Variants in KCNC2 observed in about 807,000 individuals in gnomAD.
KCNC2 encodes voltage-gated potassium channel KCNC2.
Under a neutral mutation model 44.5 loss-of-function variants are expected in KCNC2, and 21 were observed. The observed-to-expected ratio is 0.47, with a 90% CI of 0.33 to 0.68. KCNC2 has a LOEUF of 0.68. Among genes scored for constraint, KCNC2 ranks in the 30% least tolerant of loss-of-function variants. KCNC2 has a pLI of 0.01. For synonymous variants in KCNC2, 391 were observed against 339.1 expected (o/e 1.15, Z -1.68); for missense variants, 589 against 826.2 (o/e 0.71, Z 3.52).
chr12:75,125,229 C>G (rs1380003599), intron 2 of KCNC2, among the ~76,000 whole-genome samples: 1 of 152,218 alleles, frequency 6.6e-6, no homozygotes, highest in East Asian at 1.9e-4. Context: ...AACTAGAAAA[C>G]TCATGAGGCT....
At chr12:75,146,319 C>T (rs575648047) in intron 2 of KCNC2, among the ~76,000 whole-genome samples, 61 of 152,208 alleles carry the variant, frequency 4.0e-4, no homozygotes, top group Non-Finnish European at 2.9e-4. Flanking sequence ...AGATTTTTAA[C>T]ATGTAGATAT....
intron 2 of KCNC2, among the ~76,000 whole-genome samples, chr12:75,082,743 T>C (rs1188916016): frequency 6.6e-6 from 1 of 151,772 alleles, no homozygotes; most frequent in African/African-American, 2.4e-5. Flanking sequence ...TTTAATGATA[T>C]GAAAATAAGT....
chr12:75,202,479 C>T (rs1000578748), intron 2 of KCNC2, among the ~76,000 whole-genome samples: 2 of 151,774 alleles, frequency 1.3e-5, no homozygotes, highest in South Asian at 2.1e-4. Context: ...TGCAAACACA[C>T]TGGACTATTA....
intron 4 of KCNC2, chr12:75,043,663 A>T: frequency 7.6e-7 from 1 of 1,308,266 alleles, no homozygotes; most frequent in Non-Finnish European, 9.8e-7. Flanking sequence ...TTTATTTCCT[A>T]AGCCAATAAA....
At chr12:75,205,119 G>A (rs542329570) in intron 2 of KCNC2, among the ~76,000 whole-genome samples, 78 of 152,242 alleles carry the variant, frequency 5.1e-4, no homozygotes, top group African/African-American at 1.8e-3. Context: ...GTGATCTGCA[G>A]AGATTTCACA....
chr12:75,048,742 A>T (rs1880834061), intron 3 of KCNC2, among the ~76,000 whole-genome samples: 1 of 152,154 alleles, frequency 6.6e-6, no homozygotes. Context: ...TTTTTAAGAG[A>T]CATGCTTTTA....
chr12:75,143,052 G>A (rs899414908), intron 2 of KCNC2, among the ~76,000 whole-genome samples: 1 of 152,148 alleles, frequency 6.6e-6, no homozygotes, highest in Non-Finnish European at 1.5e-5. Flanking sequence ...TGATCAAGCA[G>A]TTCTGCATCC....
intron 2 of KCNC2, among the ~76,000 whole-genome samples, chr12:75,191,740 C>T (rs1565682063): frequency 6.6e-6 from 1 of 150,456 alleles, no homozygotes; most frequent in African/African-American, 2.4e-5. Flanking sequence ...TTAGTAGAGA[C>T]GGGTTTCACC....
rs1893026678 is a variant in KCNC2, at chr12:75,187,418, C to T, written c.687+19879G>A. On this transcript the variant is annotated intron_variant, in intron 2 of 4. Transcript: ENST00000549446. ...TTACCAAACACTGGAAAATCAGTCT[C>T]ATTGAATTACAGTTATAGGATATGC... 2.0e-5 allele frequency among the ~76,000 whole-genome samples: 3 copies of T among 152,220 alleles called. 1 individual carries two copies. Among genetic ancestry groups the T allele is most frequent in the South Asian group, 2.1e-4 (1 of 4,828 alleles).
chr12:75,187,796 T>G (rs989216225), intron 2 of KCNC2, among the ~76,000 whole-genome samples: 1 of 152,172 alleles, frequency 6.6e-6, no homozygotes, highest in Admixed American at 6.5e-5. Flanking sequence ...GCCAGAAGAA[T>G]GCATATACAC....
At chr12:75,143,561 C>T (rs1889807114) in intron 2 of KCNC2, among the ~76,000 whole-genome samples, 1 of 152,148 alleles carries the variant, frequency 6.6e-6, no homozygotes, top group Admixed American at 6.5e-5. Context: ...CCCTACATGC[C>T]TGTTATTAAA....
At chr12:75,045,056 A>G (rs1880326606) in intron 4 of KCNC2, among the ~76,000 whole-genome samples, 1 of 152,036 alleles carries the variant, frequency 6.6e-6, no homozygotes, top group Non-Finnish European at 1.5e-5. Context: ...TGGGAATTGT[A>G]GGAAAAAATT....
chr12:75,108,507 T>C (rs1386684679), intron 2 of KCNC2, among the ~76,000 whole-genome samples: 1 of 152,210 alleles, frequency 6.6e-6, no homozygotes, highest in East Asian at 1.9e-4. Context: ...AATTCTCTAA[T>C]ACTGTTGCTT....
chr12:75,164,032 G>A (rs377224759), intron 2 of KCNC2, among the ~76,000 whole-genome samples: 126 of 151,766 alleles, frequency 8.3e-4, no homozygotes, highest in African/African-American at 2.9e-3. Context: ...ATGGTTCCTG[G>A]ATTCAGGAGC....
rs551522803 is a variant in KCNC2 at position 75,116,172 on chromosome 12, T to A, written c.688-64855A>T. Reference sequence around the variant, plus strand: ...CTTTACAAAGGGAGCACAAAATGGTTCAGCATCACCATTTGAGGGTCATCA... The same window carrying A: ...CTTTACAAAGGGAGCACAAAATGGTACAGCATCACCATTTGAGGGTCATCA... On this transcript the variant is annotated intron_variant, in intron 2 of 4. Transcript: ENST00000549446. Among the ~76,000 whole-genome samples the A allele has an allele frequency of 6.6e-5, 10 of 152,236 alleles. No homozygotes were observed. The South Asian group carries it at 1.9e-3, about 28-fold the overall frequency.
intron 2 of KCNC2, among the ~76,000 whole-genome samples, chr12:75,195,435 A>T (rs1593074070): frequency 6.6e-6 from 1 of 152,192 alleles, no homozygotes; most frequent in African/African-American, 2.4e-5. Context: ...CTCATGAGCC[A>T]GATACCCAAA....
chr12:75,141,081 C>G (rs1889619350), intron 2 of KCNC2, among the ~76,000 whole-genome samples: 1 of 152,140 alleles, frequency 6.6e-6, no homozygotes, highest in African/African-American at 2.4e-5. Context: ...ACTGGTTACT[C>G]TCTTCACACA....
intron 2 of KCNC2, among the ~76,000 whole-genome samples, chr12:75,069,133 T>TTTTTTTTTTTTC (rs1883135737): frequency 8.9e-6 from 1 of 112,944 alleles, no homozygotes; most frequent in South Asian, 3.6e-4. Flanking sequence ...TATAATCTTT[T>TTTTTTTTTTTTC]TTTTTTTTTT....
intron 2 of KCNC2, among the ~76,000 whole-genome samples, chr12:75,076,745 T>C (rs567273474): frequency 6.6e-6 from 1 of 152,370 alleles, no homozygotes; most frequent in East Asian, 1.9e-4. Flanking sequence ...CTGTATTTTC[T>C]GCAGGCAAGT....
Sources: gnomAD v4.1 joint callset for allele counts (sites outside exome capture counted in the v4.1 genomes callset) on GRCh38, gnomAD v4.1.1 for gene constraint, MANE v1.5 for transcripts, NCBI Gene and HGNC (gene_info 2026-07-23, HGNC 2026-07-21) for gene names.